Variants in CBFA2T3 observed in about 807,000 individuals in gnomAD.
CBFA2T3 encodes the protein transcriptional corepressor CBFA2T3.
A neutral mutation model predicts 58.6 loss-of-function variants in CBFA2T3; 31 were observed. That is an observed-to-expected ratio of 0.53 (90% CI 0.40 to 0.71). The LOEUF (loss-of-function observed/expected upper bound fraction) is 0.71, where lower values mean the gene tolerates loss of function less well. CBFA2T3 is among the 30% of genes least tolerant of loss of function. The pLI is 0.00. For synonymous variants in CBFA2T3, 531 were observed against 421.9 expected (o/e 1.26, Z -3.17); for missense variants, 1,076 against 963.1 (o/e 1.12, Z -1.55).
At position 88,976,881 on chromosome 16, in the gene CBFA2T3, T is replaced by C; in HGVS notation, c.-74A>G. On this transcript the variant is annotated 5_prime_UTR_variant, in exon 1 of 12. Transcript: ENST00000268679. Reference sequence around the variant, plus strand: ...ACCAGGACTGCCTTTCCCGACCTCCTGCAGCCTTGAGGGAAAGAGGAGGGG... The same window carrying C: ...ACCAGGACTGCCTTTCCCGACCTCCCGCAGCCTTGAGGGAAAGAGGAGGGG... The C allele has an allele frequency of 6.7e-7, 1 of 1,483,838 alleles. No homozygotes were observed. The highest frequency in any genetic ancestry group is 2.5e-5 in the East Asian group (1 of 39,752). The allele number at this position is 1,483,838 out of a possible 1,614,324, so 91.9% of individuals were successfully genotyped here. A position where few individuals can be genotyped will look rare whatever the true frequency, so the allele number is the denominator to read the frequency against.
intron 3 of CBFA2T3, 81 bp from the exon 4 acceptor site, chr16:88,892,566 G>A: frequency 6.8e-7 from 1 of 1,476,128 alleles, no homozygotes; most frequent in Non-Finnish European, 9.4e-7. Flanking sequence ...GAGGGAAGCA[G>A]CGACTAAGGT....
At chr16:88,940,955 A>T in intron 1 of CBFA2T3, 1 of 821,600 alleles carries the variant, frequency 1.2e-6, no homozygotes, top group Non-Finnish European at 1.5e-6. Flanking sequence ...CAGATCCGGG[A>T]ACGGCAGCCG....
At chr16:88,909,045 G>C (rs781108811) in intron 1 of CBFA2T3, among the ~76,000 whole-genome samples, 1 of 152,210 alleles carries the variant, frequency 6.6e-6, no homozygotes, top group African/African-American at 2.4e-5. Flanking sequence ...CCTTCCTGGA[G>C]CTGACCACAG....
At chr16:88,941,021 G>T in intron 1 of CBFA2T3, 2 of 983,286 alleles carry the variant, frequency 2.0e-6, no homozygotes, top group Non-Finnish European at 2.4e-6. Flanking sequence ...GGCACTTACG[G>T]TCGGGGGGTC....
chr16:88,953,567 G>C lies in CBFA2T3; in HGVS notation c.151+23090C>G, dbSNP rs748434973. On this transcript the variant is annotated intron_variant, in intron 1 of 11. Transcript: ENST00000268679. This position sits in a 1 kb window ranked among gnomAD's most constrained non-coding sequence, Gnocchi z 4.9. The stretch of plus-strand genomic sequence containing the variant: ...TGGGGATCAGGATCTGGCAGGATCG[G>C]AATGTAGAGGCCTGGGGGCTCCCGG... Among the ~76,000 whole-genome samples, 58 of 151,866 alleles carry C rather than the reference G, an allele frequency of 3.8e-4. No individual in the cohort carries two copies. The highest frequency in any genetic ancestry group is 4.1e-4 in the Non-Finnish European group (28 of 68,020).
intron 1 of CBFA2T3, among the ~76,000 whole-genome samples, chr16:88,956,765 G>C (rs914263424): frequency 1.3e-5 from 2 of 152,190 alleles, no homozygotes; most frequent in African/African-American, 4.8e-5. Flanking sequence ...TCTGCTCCTC[G>C]GCTGCTTTCC....
chr16:88,888,746 C>G (rs967481987), intron 5 of CBFA2T3, among the ~76,000 whole-genome samples: 2 of 151,700 alleles, frequency 1.3e-5, no homozygotes, highest in African/African-American at 2.4e-5. Context: ...CTGGCCTCCC[C>G]CTAGAAGCGC....
At chr16:88,878,842 A>C (rs1019950181) in intron 11 of CBFA2T3, among the ~76,000 whole-genome samples, 15 of 152,224 alleles carry the variant, frequency 9.9e-5, no homozygotes, top group African/African-American at 3.6e-4. Flanking sequence ...GCTACTTGGG[A>C]GGCTGAGGCA....
At chr16:88,975,224 C>T (rs117661428) in intron 1 of CBFA2T3, among the ~76,000 whole-genome samples, 2,160 of 98,268 alleles carry the variant, frequency 0.022, 42 homozygotes, top group South Asian at 0.058. Context: ...CTGCTCCTCA[C>T]CTGCAGCCAT....
At chr16:88,900,777 C>T (rs990075553) in intron 2 of CBFA2T3, among the ~76,000 whole-genome samples, 4 of 152,242 alleles carry the variant, frequency 2.6e-5, no homozygotes, top group African/African-American at 4.8e-5. Flanking sequence ...CAATGTCTGT[C>T]CTCAAAGCCA....
chr16:88,882,338 ATGGCTGTGCGTGGGTG>A (rs1421343465), intron 8 of CBFA2T3, among the ~76,000 whole-genome samples: 19 of 150,794 alleles, frequency 1.3e-4, no homozygotes, highest in African/African-American at 4.6e-4. Flanking sequence ...GTGTGTGGGC[ATGGCTGTGCGTGGGTG>A]TGGCTGTGTA....
chr16:88,892,600 C>T lies in CBFA2T3; in HGVS notation c.380-115G>A, dbSNP rs565781151. The T allele has an allele frequency of 5.0e-5, 61 of 1,210,752 alleles. No homozygotes were observed. In the East Asian group the frequency reaches 1.3e-3, roughly 26 times the overall value. The allele number at this position is 1,210,752 out of a possible 1,614,324, so 75.0% of individuals were successfully genotyped here. ...GTGACAATGTCAAAAGTGACGGCAA[C>T]AATGATGAGACACAAGGACAGTAGC... On this transcript the variant is annotated intron_variant, in intron 3 of 11. Transcript: ENST00000268679.
intron 1 of CBFA2T3, among the ~76,000 whole-genome samples, chr16:88,962,456 G>T (rs1444300545): frequency 6.6e-6 from 1 of 152,224 alleles, no homozygotes; most frequent in Admixed American, 6.5e-5. Flanking sequence ...GTCCTGTGGG[G>T]GACGCTGAGG....
intron 1 of CBFA2T3, among the ~76,000 whole-genome samples, chr16:88,901,902 G>A (rs555180752): frequency 1.0e-3 from 158 of 152,318 alleles, no homozygotes; most frequent in African/African-American, 3.7e-3. Flanking sequence ...GGGGCCCTCG[G>A]TGTGTGGCCG....
intron 11 of CBFA2T3, among the ~76,000 whole-genome samples, chr16:88,878,801 C>T (rs1968941287): frequency 6.6e-6 from 1 of 152,200 alleles, no homozygotes; most frequent in East Asian, 1.9e-4. Flanking sequence ...CAAAAATTAG[C>T]CAGGTGTGGT....
At chr16:88,905,487 T>C (rs1210801994) in intron 1 of CBFA2T3, among the ~76,000 whole-genome samples, 2 of 151,960 alleles carry the variant, frequency 1.3e-5, no homozygotes, top group East Asian at 1.9e-4. Flanking sequence ...TTGACCTGTT[T>C]GCAGGGTCTC....
chr16:88,877,468 C>T (rs1302305301), intron 11 of CBFA2T3, among the ~76,000 whole-genome samples, 193 bp from the exon 12 acceptor site: 1 of 152,238 alleles, frequency 6.6e-6, no homozygotes, highest in Non-Finnish European at 1.5e-5. Flanking sequence ...CGGCATCCCA[C>T]TACCGTGTCT....
At chr16:88,878,815 G>A (rs114443776) in intron 11 of CBFA2T3, among the ~76,000 whole-genome samples, 1,662 of 152,300 alleles carry the variant, frequency 0.011, 35 homozygotes, top group African/African-American at 0.038. Context: ...GTGTGGTGGC[G>A]GGCGCCTGTA....
intron 1 of CBFA2T3, among the ~76,000 whole-genome samples, chr16:88,929,170 G>C (rs1451996227): frequency 6.6e-6 from 1 of 152,200 alleles, no homozygotes; most frequent in African/African-American, 2.4e-5. Context: ...AGGTGCTGGA[G>C]AGATCCCATA....
Sources: allele counts gnomAD v4.1 joint callset (sites outside exome capture counted in the v4.1 genomes callset), GRCh38; gene constraint gnomAD v4.1.1; non-coding constraint Gnocchi (gnomAD v3.1); transcripts MANE v1.5; gene names NCBI Gene and HGNC (gene_info 2026-07-23, HGNC 2026-07-21).